Variants in GRM6 observed in about 807,000 individuals in gnomAD.
The protein encoded by GRM6 is glutamate metabotropic receptor 6, also known as metabotropic glutamate receptor 6.
A neutral mutation model predicts 78.4 loss-of-function variants in GRM6; 73 were observed. That is an observed-to-expected ratio of 0.93 (90% confidence interval 0.77 to 1.13). GRM6 has a LOEUF of 1.13. GRM6 is among the 50% of genes most tolerant of loss of function. The probability of loss-of-function intolerance (pLI) is 0.00; values close to 1 mark genes in which losing one functional copy is unlikely to be tolerated. For missense variants in GRM6, 1,251 were observed against 1,256.4 expected, an observed-to-expected ratio of 1.00 and a Z score of 0.07; for synonymous variants, 580 against 555.0, an observed-to-expected ratio of 1.05 and a Z score of -0.63.
rs764248242 is a variant in GRM6, at chr5:178,986,169, G to A, written c.2085C>T (p.Thr695=). The part of the protein sequence containing the change: ...SVTPPPFISP[T]SQLVITFSLT... ...GGCTGAAGGTGATGACCAGCTGTGAGGTGGGGCTGATGAAGGGAGGGGGTG... is the reference window on the plus strand; with the variant it reads ...GGCTGAAGGTGATGACCAGCTGTGAAGTGGGGCTGATGAAGGGAGGGGGTG... The change falls in exon 9 of 11, where the codon ACC becomes ACT. Residue 695 remains threonine, a synonymous_variant. Transcript: ENST00000517717. The A allele has an allele frequency of 1.2e-5, 20 of 1,613,872 alleles. No individual in the cohort carries two copies. Among genetic ancestry groups the A allele is most frequent in the South Asian group, 9.9e-5 (9 of 91,076 alleles).
rs1335872003 is a variant in GRM6 at position 178,994,770 on chromosome 5, G to A, written c.175C>T (p.Gln59Ter). 1.5e-6 allele frequency: 2 copies of A among 1,364,306 alleles called. No individual in the cohort carries two copies. The highest frequency in any genetic ancestry group is 3.2e-5 in the South Asian group (2 of 63,124). The allele number at this position is 1,364,306 out of a possible 1,614,324, so 84.5% of individuals were successfully genotyped here. Reference protein sequence around the residue: ...ARGAAGRACGQLKKEQGVHRL... With the variant: ...ARGAAGRACG ...TGCACGCCCTGCTCCTTCTTCAGCT[G>A]CCCGCACGCCCGGCCCGCCGCGCCC... Residue 59 changes from glutamine to a stop codon, truncating the protein, a stop_gained, in exon 2 of 11, where the codon CAG becomes TAG. Coordinates refer to ENST00000517717, the MANE Select transcript of GRM6 (RefSeq NM_000843.4). LOFTEE classifies it high-confidence loss of function.
Position 178,992,402 on chromosome 5 carries a change from G to A in GRM6, c.505-319C>T, listed in dbSNP as rs1291458205. On this transcript the variant is annotated intron_variant, in intron 2 of 10. Coordinates refer to ENST00000517717, the MANE Select transcript of GRM6 (RefSeq NM_000843.4). The surrounding 1 kb of genome is among the most constrained non-coding windows in gnomAD (Gnocchi z 4.9). ...GCTGTGTCCTGAACAAGGACCCCCA[G>A]CAGAGGGCCTGCAGCCCATCCAGCT... The A allele has an allele frequency of 2.3e-6, 1 of 442,060 alleles. No homozygotes were observed. The highest frequency in any genetic ancestry group is 5.8e-5 in the East Asian group (1 of 17,372). The allele number at this position is 442,060 out of a possible 1,614,324, so 27.4% of individuals were successfully genotyped here.
rs768503865 is a variant in GRM6, at chr5:178,986,404, C to T, written c.1850G>A (p.Arg617Gln). The T allele has an allele frequency of 6.2e-6, 10 of 1,613,730 alleles. No individual in the cohort carries two copies. The highest frequency in any genetic ancestry group is 1.6e-4 in the Middle Eastern group (1 of 6,076). ...FVRYNNTPIV[R>Q]ASGRELSYVL... is the part of the protein sequence containing the mutation. ...GTAGCTGAGCTCTCGGCCCGAGGCC[C>T]GGACGATGGGCGTGTTGTTGTACCG... The change falls in exon 9 of 11, where the codon CGG becomes CAG. Residue 617 changes from arginine to glutamine, a missense_variant. Coordinates refer to ENST00000517717, the MANE Select transcript of GRM6 (RefSeq NM_000843.4).
rs114416693 is a variant in GRM6 at position 178,991,471 on chromosome 5, C to T, written c.810G>A (p.Thr270=). 2.6e-3 allele frequency: 4,226 copies of T among 1,613,176 alleles called. 96 individuals carry two copies. The African/African-American group carries it at 0.048, about 18-fold the overall frequency. ...AGATGATGATGCCCCGGGCGTTGGG[C>T]GTCTCCATGAGTCTCCTGATCACCT... is the stretch of plus-strand genomic sequence containing the variant. ...FSKVIRRLME[T]PNARGIIIFA... The change falls in exon 4 of 11, where the codon ACG becomes ACA. Residue 270 remains threonine (T), a synonymous_variant. Coordinates refer to ENST00000517717, the MANE Select transcript of GRM6 (RefSeq NM_000843.4). This position sits in a 1 kb window ranked among gnomAD's most constrained non-coding sequence, Gnocchi z 5.0.
chr5:178,986,028 C>G (rs1252687059), intron 9 of GRM6, 102 bp downstream of exon 9: 4 of 1,101,352 alleles, frequency 3.6e-6, no homozygotes, highest in Non-Finnish European at 3.9e-6. Context: ...TCCAAAGGTG[C>G]TGGGACTACA....
At chr5:178,985,103 C>T (rs1280600288) in intron 9 of GRM6, among the ~76,000 whole-genome samples, 1 of 152,180 alleles carries the variant, frequency 6.6e-6, no homozygotes, top group Non-Finnish European at 1.5e-5. Context: ...TGCTCTTCCA[C>T]AGTAAAATGT....
At chr5:178,993,381 GA>G in intron 2 of GRM6, among the ~76,000 whole-genome samples, 1 of 152,268 alleles carries the variant, frequency 6.6e-6, no homozygotes, top group South Asian at 2.1e-4. Flanking sequence ...ACAGGTGGGT[GA>G]AAAACCCCTG....
intron 6 of GRM6, 48 bp downstream of exon 6, chr5:178,989,217 A>AACCCC: frequency 2.1e-6 from 2 of 954,822 alleles, no homozygotes; most frequent in Non-Finnish European, 2.9e-6. Context: ...CCCCACCCTC[A>AACCCC]CCACCCTCCC....
In GRM6 at chr5:178,990,286, C is replaced by T. The variant is rs568741533; in HGVS notation, c.1012+306G>A. Among the ~76,000 whole-genome samples, 12 of 152,302 alleles carry T rather than the reference C, an allele frequency of 7.9e-5. No individual in the cohort carries two copies. In the East Asian group the frequency reaches 9.7e-4, roughly 12 times the overall value. On this transcript the variant is annotated intron_variant, in intron 5 of 10. Transcript: ENST00000517717. Reference sequence around the variant, plus strand: ...CCGTATCCTTGGTTTCTCTCCCTCCCACCCTCACCCTCAGATTAGAATGTC... The same window carrying T: ...CCGTATCCTTGGTTTCTCTCCCTCCTACCCTCACCCTCAGATTAGAATGTC...
At position 178,986,438 on chromosome 5, in the gene GRM6, T is replaced by C. The variant is rs772206541; in HGVS notation, c.1816A>G (p.Thr606Ala). The change falls in exon 9 of 11, where the codon ACC (threonine) becomes GCC (alanine). Residue 606 changes from threonine (T) to alanine (A), a missense_variant. By Grantham distance (58) the Thr-to-Ala change is moderately conservative. Transcript: ENST00000517717. Reference sequence around the variant, plus strand: ...GGCGTGTTGTTGTACCGCACGAAGGTGGCCACCACCGTGGTAGTGGCCACG... The same window carrying C: ...GGCGTGTTGTTGTACCGCACGAAGGCGGCCACCACCGTGGTAGTGGCCACG... ...GIVATTTVVA[T>A]FVRYNNTPIV... 4 of 1,613,066 alleles carry C rather than the reference T, an allele frequency of 2.5e-6. No individual in the cohort carries two copies. In the South Asian group the frequency reaches 3.3e-5, roughly 13 times the overall value.
intron 2 of GRM6, among the ~76,000 whole-genome samples, chr5:178,993,031 C>T (rs1463310975): frequency 2.0e-5 from 3 of 152,156 alleles, no homozygotes; most frequent in African/African-American, 7.2e-5. Context: ...AGTTTGGGAA[C>T]AACCCTCCCA....
chr5:178,994,417 C>A (rs959131928), intron 2 of GRM6, 24 bp downstream of exon 2: 13 of 1,485,904 alleles, frequency 8.7e-6, no homozygotes, highest in Non-Finnish European at 1.2e-5. Flanking sequence ...CGCTGGACAC[C>A]GAGCCCGGCC....
intron 2 of GRM6, among the ~76,000 whole-genome samples, chr5:178,994,103 GCAGGGGTGTGCC>G (rs1760729984): frequency 6.6e-6 from 1 of 152,202 alleles, no homozygotes; most frequent in Admixed American, 6.5e-5. Context: ...TTGTATGGTT[GCAGGGGTGTGCC>G]CAGAACAAGG....
intron 9 of GRM6, among the ~76,000 whole-genome samples, chr5:178,984,763 C>T (rs141957625): frequency 1.1e-3 from 167 of 152,166 alleles, no homozygotes; most frequent in African/African-American, 2.2e-3. Flanking sequence ...CTGCATGACC[C>T]GAGGCACGTG....
chr5:178,984,935 T>G (rs1760480608), intron 9 of GRM6, among the ~76,000 whole-genome samples: 1 of 152,172 alleles, frequency 6.6e-6, no homozygotes, highest in African/African-American at 2.4e-5. Flanking sequence ...CCAAGCCATC[T>G]GTCTCTCGTA....
rs1445704777 is a variant in GRM6 at position 178,986,851 on chromosome 5, G to C, written c.1487C>G (p.Thr496Ser). Residue 496 changes from threonine (T) to serine (S), a missense_variant, in exon 8 of 11, where the codon ACC becomes AGC. Transcript: ENST00000517717. ...CTGCACACTCACATCCAGTCTGAGG[G>C]TCTCTGCCCACTGGCCCACTGCCTG... is the stretch of plus-strand genomic sequence containing the variant. ...GYQAVGQWAETLRLDVEALQW... is the reference protein window; with the variant it reads ...GYQAVGQWAESLRLDVEALQW... 2.5e-6 allele frequency: 4 copies of C among 1,613,942 alleles called. No homozygotes were observed. In the Middle Eastern group the frequency reaches 4.9e-4, roughly 200 times the overall value.
At chr5:178,985,622 G>A (rs958617595) in intron 9 of GRM6, 28 of 362,488 alleles carry the variant, frequency 7.7e-5, no homozygotes, top group Non-Finnish European at 1.3e-4. Context: ...AGAATGGCGT[G>A]AACCCGGAAG....
At position 178,994,796 on chromosome 5, in the gene GRM6, C is replaced by G; in HGVS notation, c.149G>C (p.Arg50Pro). The change falls in exon 2 of 11, where the codon CGG becomes CCG. Residue 50 changes from arginine to proline, a missense_variant. By Grantham distance (103) the Arg-to-Pro change is moderately radical (BLOSUM62 -2). Coordinates refer to ENST00000517717, the MANE Select transcript of GRM6 (RefSeq NM_000843.4). ...CCCGCACGCCCGGCCCGCCGCGCCC[C>G]GCGCGTGCACCGGGAACAGGCCGCC... ...TLGGLFPVHA[R>P]GAAGRACGQL... 3 of 1,300,380 alleles carry G rather than the reference C, an allele frequency of 2.3e-6. No homozygotes were observed. Among genetic ancestry groups the G allele is most frequent in the South Asian group, 2.0e-5 (1 of 49,578 alleles). The allele number at this position is 1,300,380 out of a possible 1,614,324, so 80.6% of individuals were successfully genotyped here. A position where few individuals can be genotyped will look rare whatever the true frequency, so the allele number is the denominator to read the frequency against.
chr5:178,984,981 T>TC (rs1760481807), intron 9 of GRM6, among the ~76,000 whole-genome samples: 1 of 151,936 alleles, frequency 6.6e-6, no homozygotes, highest in Non-Finnish European at 1.5e-5. Context: ...CGCCCCAGAC[T>TC]CCAAGAGTTG....
Sources: allele counts gnomAD v4.1 joint callset (sites outside exome capture counted in the v4.1 genomes callset), GRCh38; gene constraint gnomAD v4.1.1; non-coding constraint Gnocchi (gnomAD v3.1); transcripts MANE v1.5; gene names NCBI Gene and HGNC (gene_info 2026-07-23, HGNC 2026-07-21).